ABLIM1: variants seen among roughly 807,000 people sequenced by gnomAD.
ABLIM1 encodes actin-binding LIM protein 1.
In ABLIM1, 40 loss-of-function variants were observed where a neutral mutation model predicts 107.0. The ratio of observed to expected loss-of-function variants is 0.37; its 90% CI spans 0.29 to 0.49. The LOEUF (loss-of-function observed/expected upper bound fraction) is 0.49. Ranked by LOEUF, ABLIM1 falls within the 20% of genes least tolerant of loss-of-function variation. The pLI, the probability that ABLIM1 is intolerant of heterozygous loss-of-function variation, is 0.97. For synonymous variants in ABLIM1, 357 were observed against 357.3 expected, an observed-to-expected ratio of 1.00 and a Z score of 0.01; for missense variants, 857 against 1,008.5, an observed-to-expected ratio of 0.85 and a Z score of 2.04.
At chr10:114,755,221 G>A (rs11813218) in intron 1 of ABLIM1, among the ~76,000 whole-genome samples, 1 of 152,170 alleles carries the variant, frequency 6.6e-6, no homozygotes, top group African/African-American at 2.4e-5. Context: ...CTGTGCATGC[G>A]AAGGATATAA....
At chr10:114,715,642 A>C (rs552270377) in intron 1 of ABLIM1, among the ~76,000 whole-genome samples, 1 of 152,258 alleles carries the variant, frequency 6.6e-6, no homozygotes, top group South Asian at 2.1e-4. Flanking sequence ...GGGAACCAGC[A>C]AGCAGTTCAA....
intron 10 of ABLIM1, among the ~76,000 whole-genome samples, chr10:114,468,822 C>A (rs1343788933): frequency 6.6e-6 from 1 of 151,744 alleles, no homozygotes. Flanking sequence ...GAGGCTGAGG[C>A]TGGCGGACCA....
intron 1 of ABLIM1, among the ~76,000 whole-genome samples, chr10:114,718,026 GGAA>G (rs1566269311): frequency 5.5e-5 from 6 of 108,530 alleles, no homozygotes; most frequent in African/African-American, 2.4e-4. Context: ...AAGGAAGGAA[GGAA>G]GGAGAAAGAG....
At chr10:114,568,782 T>C (rs1379213324) in intron 4 of ABLIM1, among the ~76,000 whole-genome samples, 2 of 152,228 alleles carry the variant, frequency 1.3e-5, no homozygotes, top group Non-Finnish European at 2.9e-5. Flanking sequence ...GCCCAACAAT[T>C]TGCACATAAG....
At chr10:114,454,626 C>A (rs2062463862) in intron 12 of ABLIM1, among the ~76,000 whole-genome samples, 1 of 152,152 alleles carries the variant, frequency 6.6e-6, no homozygotes, top group Non-Finnish European at 1.5e-5. Context: ...CCATAGCCAC[C>A]ATCACTCCCT....
At chr10:114,594,006 A>G (rs1393651305) in intron 2 of ABLIM1, among the ~76,000 whole-genome samples, 2 of 152,232 alleles carry the variant, frequency 1.3e-5, no homozygotes, top group Admixed American at 1.3e-4. Context: ...GAGCACATTT[A>G]TATCACACTT....
intron 6 of ABLIM1, among the ~76,000 whole-genome samples, chr10:114,510,717 C>A (rs2135994800): frequency 6.6e-6 from 1 of 151,786 alleles, no homozygotes; most frequent in Admixed American, 6.6e-5. Context: ...GTGATGCGAT[C>A]TTGGTTCACT....
At chr10:114,756,797 G>C (rs1324615707) in intron 1 of ABLIM1, among the ~76,000 whole-genome samples, 1 of 152,234 alleles carries the variant, frequency 6.6e-6, no homozygotes, top group Admixed American at 6.5e-5. Flanking sequence ...GCTTTGTAAA[G>C]TCTTCCTTGG....
chr10:114,679,257 T>A (rs1435827743), intron 1 of ABLIM1, among the ~76,000 whole-genome samples: 1 of 152,200 alleles, frequency 6.6e-6, no homozygotes, highest in Admixed American at 6.5e-5. Flanking sequence ...ACAGAAAAAG[T>A]GTGCTGCCTG....
At position 114,547,766 on chromosome 10, in the gene ABLIM1, G is replaced by T; in HGVS notation, c.684C>A (p.Gly228=). Residue 228 remains glycine, a synonymous_variant, in exon 5 of 23, where the codon GGC becomes GGA. Coordinates refer to ENST00000533213, the MANE Select transcript of ABLIM1 (RefSeq NM_002313.7). The stretch of plus-strand genomic sequence containing the variant: ...GCCCATTCTTGATATCTCTTCCGCA[G>T]CCGGCACAATCTGAAAAAGAGCAGC... The part of the protein sequence containing the change: ...KETTFSSNCA[G]CGRDIKNGQA... The T allele has an allele frequency of 6.2e-7, 1 of 1,609,436 alleles. No homozygotes were observed.
At chr10:114,583,617 G>A (rs1037304483) in intron 2 of ABLIM1, among the ~76,000 whole-genome samples, 1 of 150,742 alleles carries the variant, frequency 6.6e-6, no homozygotes, top group African/African-American at 2.4e-5. Context: ...TACCATCACT[G>A]GGGATATAGC....
chr10:114,517,443 C>G (rs1050655629), intron 6 of ABLIM1, among the ~76,000 whole-genome samples: 2 of 151,962 alleles, frequency 1.3e-5, no homozygotes, highest in African/African-American at 4.8e-5. Context: ...AGCAGAGCCC[C>G]CAGAAGAACC....
intron 10 of ABLIM1, among the ~76,000 whole-genome samples, chr10:114,470,190 A>C (rs977958680): frequency 6.6e-6 from 1 of 152,222 alleles, no homozygotes; most frequent in African/African-American, 2.4e-5. Context: ...TGTGAGGCCA[A>C]GGCGGGTGGA....
intron 8 of ABLIM1, among the ~76,000 whole-genome samples, chr10:114,484,209 C>A (rs2057830207): frequency 3.3e-5 from 5 of 152,142 alleles, no homozygotes; most frequent in Admixed American, 3.3e-4. Flanking sequence ...AGTAGAGTAA[C>A]TCTGGAGAAG....
chr10:114,627,048 A>G lies in ABLIM1; in HGVS notation c.245-25087T>C, dbSNP rs79868088. Reference sequence around the variant, plus strand: ...GGCTTGTAGCTTCCAGAACAGTGAGACAATACATTTCTGTGGTTTAAGCCG... The same window carrying G: ...GGCTTGTAGCTTCCAGAACAGTGAGGCAATACATTTCTGTGGTTTAAGCCG... On this transcript the variant is annotated intron_variant, in intron 1 of 22. Coordinates refer to ENST00000533213, the MANE Select transcript of ABLIM1 (RefSeq NM_002313.7). Among the ~76,000 whole-genome samples the G allele has an allele frequency of 2.5e-3, 381 of 152,264 alleles. 5 individuals are homozygous for G. Among genetic ancestry groups the G allele is most frequent in the African/African-American group, 8.6e-3 (359 of 41,534 alleles).
intron 6 of ABLIM1, among the ~76,000 whole-genome samples, chr10:114,517,466 C>T (rs1488332597): frequency 2.0e-5 from 3 of 152,046 alleles, no homozygotes; most frequent in African/African-American, 4.8e-5. Context: ...CACTCCACAC[C>T]GACAACACTT....
chr10:114,468,259 C>A, intron 10 of ABLIM1, 43 bp from the exon 11 acceptor site: 1 of 1,585,982 alleles, frequency 6.3e-7, no homozygotes, highest in Admixed American at 1.7e-5. Context: ...TGTTTGTTAA[C>A]TCTTTGCCGT....
intron 17 of ABLIM1, 127 bp downstream of exon 17, chr10:114,443,902 G>T: frequency 1.4e-6 from 1 of 706,430 alleles, no homozygotes; most frequent in Non-Finnish European, 2.4e-6. Context: ...ACATGGAGTG[G>T]GTTTCCCACA....
At chr10:114,556,466 G>C (rs2068743281) in intron 4 of ABLIM1, among the ~76,000 whole-genome samples, 2 of 152,176 alleles carry the variant, frequency 1.3e-5, no homozygotes, top group African/African-American at 4.8e-5. Flanking sequence ...GTTGCCACCT[G>C]TTCTCATGCT....
Sources: allele counts gnomAD v4.1 joint callset (sites outside exome capture counted in the v4.1 genomes callset), GRCh38; gene constraint gnomAD v4.1.1; transcripts MANE v1.5; gene names NCBI Gene and HGNC (gene_info 2026-07-23, HGNC 2026-07-21).